The following AOC1 variants were observed in gnomAD, a reference collection of about 807,000 sequenced individuals.
AOC1 encodes diamine oxidase [copper-containing].
AOC1 carries 58 observed loss-of-function variants against 57.1 expected under a neutral mutation model. The observed-to-expected ratio is 1.02, with a 90% CI of 0.82 to 1.26. The LOEUF (loss-of-function observed/expected upper bound fraction) is 1.26, where lower values mean the gene tolerates loss of function less well. Ranked by LOEUF, AOC1 falls within the 50% of genes most tolerant of loss-of-function variation. The probability of loss-of-function intolerance (pLI) is 0.00; values close to 1 mark genes in which losing one functional copy is unlikely to be tolerated. For missense variants in AOC1, 917 were observed against 1,005.3 expected (o/e 0.91, Z 1.19); for synonymous variants, 401 against 423.4 (o/e 0.95, Z 0.65).
intron 3 of AOC1, 107 bp from the exon 4 acceptor site, chr7:150,860,394 G>T (rs1243925750): frequency 3.8e-6 from 6 of 1,567,746 alleles, no homozygotes; most frequent in Non-Finnish European, 5.2e-6. Flanking sequence ...TCATCTTGGG[G>T]AAGGCAATCA....
Position 150,857,346 on chromosome 7 carries a change from C to T in AOC1, c.876C>T (p.Pro292=), listed in dbSNP as rs375861624. 18 of 1,604,942 alleles carry T rather than the reference C, an allele frequency of 1.1e-5. No homozygotes were observed. Among genetic ancestry groups the T allele is most frequent in the East Asian group, 4.5e-5 (2 of 44,650 alleles). Reference sequence around the variant, plus strand: ...CCCACAAGCCCCGCGGGGACTTCCCCAGCCCCATCCATGTGAGCGGCCCCC... The same window carrying T: ...CCCACAAGCCCCGCGGGGACTTCCCTAGCCCCATCCATGTGAGCGGCCCCC... ...FSSHKPRGDF[P]SPIHVSGPRL... The change falls in exon 2 of 5, where the codon CCC becomes CCT. Residue 292 remains proline (P), a synonymous_variant. Transcript: ENST00000360937. This position sits in a 1 kb window ranked among gnomAD's most constrained non-coding sequence, Gnocchi z 6.6.
At chr7:150,858,635 C>A in intron 2 of AOC1, 128 bp from the exon 3 acceptor site, 1 of 1,077,610 alleles carries the variant, frequency 9.3e-7, no homozygotes. Flanking sequence ...AGGGCATCCC[C>A]CAACATCCCG....
At chr7:150,853,843 T>G (rs1799697165) in intron 1 of AOC1, 1 of 151,612 alleles carries the variant, frequency 6.6e-6, no homozygotes, top group African/African-American at 2.4e-5. Flanking sequence ...ACCAACACGG[T>G]GAAACACCAT....
chr7:150,856,982 G>T lies in AOC1; in HGVS notation c.512G>T (p.Gly171Val). ...CATCAGTTCTTCCTCAATACCACAG[G>T]CTTCTCATTCCAAGACTGCCATGAC... ...PLHQFFLNTTGFSFQDCHDRC... is the reference protein window; with the variant it reads ...PLHQFFLNTTVFSFQDCHDRC... Residue 171 changes from glycine to valine, a missense_variant, in exon 2 of 5, where the codon GGC becomes GTC. Gly to Val is a moderately radical substitution (Grantham distance 109, BLOSUM62 -3). Transcript: ENST00000360937. The surrounding 1 kb of genome is among the most constrained non-coding windows in gnomAD (Gnocchi z 5.2). 1.2e-6 allele frequency: 2 copies of T among 1,614,170 alleles called. No homozygotes were observed. The highest frequency in any genetic ancestry group is 1.1e-5 in the South Asian group (1 of 91,086).
chr7:150,856,263 TG>T lies in AOC1; in HGVS notation c.-16-190del, dbSNP rs1799770893. 6.6e-6 allele frequency among the ~76,000 whole-genome samples: 1 copy of T among 152,024 alleles called. No homozygotes were observed. Among genetic ancestry groups the T allele is most frequent in the African/African-American group, 2.4e-5 (1 of 41,384 alleles). On this transcript the variant is annotated intron_variant, in intron 1 of 4. Coordinates refer to ENST00000360937, the MANE Select transcript of AOC1 (RefSeq NM_001091.4). The surrounding 1 kb of genome is among the most constrained non-coding windows in gnomAD (Gnocchi z 5.2). The stretch of plus-strand genomic sequence containing the variant: ...TGAGGAGAGGGCAGAAATAAATGGA[TG>T]GATGCACAGGCAGCGGCCCGACGGC...
chr7:150,856,180 A>G lies in AOC1; in HGVS notation c.-16-275A>G, dbSNP rs1799767824. The stretch of plus-strand genomic sequence containing the variant: ...CCCCTGGCTGAGATAATACACAAAA[A>G]CAAGGGTGTTCCCCTGAGTAAGGAA... On this transcript the variant is annotated intron_variant, in intron 1 of 4. Transcript: ENST00000360937. The surrounding 1 kb of genome is among the most constrained non-coding windows in gnomAD (Gnocchi z 5.2). Among the ~76,000 whole-genome samples the G allele has an allele frequency of 6.6e-6, 1 of 152,178 alleles. No individual in the cohort carries two copies. Among genetic ancestry groups the G allele is most frequent in the African/African-American group, 2.4e-5 (1 of 41,438 alleles).
At position 150,860,615 on chromosome 7, in the gene AOC1, C is replaced by T. The variant is rs759462526; in HGVS notation, c.1971C>T (p.Asn657=). 126 of 1,613,874 alleles carry T rather than the reference C, an allele frequency of 7.8e-5. 2 individuals are homozygous for T. The highest frequency in any genetic ancestry group is 9.7e-5 in the Non-Finnish European group (115 of 1,179,916). The change falls in exon 4 of 5, where the codon AAC becomes AAT. Residue 657 remains asparagine (N), a synonymous_variant. Transcript: ENST00000360937. Reference sequence around the variant, plus strand: ...TCTTTGAGCAGTTTCTTCACAACAACGAGAACATTGAAAATGAGGTACTGC... The same window carrying T: ...TCTTTGAGCAGTTTCTTCACAACAATGAGAACATTGAAAATGAGGTACTGC... ...PVVFEQFLHN[N]ENIENEDLVA...
At position 150,861,360 on chromosome 7, in the gene AOC1, A is replaced by C; in HGVS notation, c.*151A>C. ...AGGAAACACACGAACAGACGTGCACACACACAGACGTGCACACACACACAG... is the reference window on the plus strand; with the variant it reads ...AGGAAACACACGAACAGACGTGCACCCACACAGACGTGCACACACACACAG... On this transcript the variant is annotated 3_prime_UTR_variant, in exon 5 of 5. Transcript: ENST00000360937. This position sits in a 1 kb window ranked among gnomAD's most constrained non-coding sequence, Gnocchi z 4.5. 1 of 868,166 alleles carries C rather than the reference A, an allele frequency of 1.2e-6. No homozygotes were observed. 53.8% of individuals were successfully genotyped at this position (868,166 alleles called of 1,614,324 possible). A position where few individuals can be genotyped will look rare whatever the true frequency, so the allele number is the denominator to read the frequency against.
chr7:150,853,699 T>A (rs12540862), intron 1 of AOC1, among the ~76,000 whole-genome samples: 916 of 115,038 alleles, frequency 8.0e-3, no homozygotes, highest in Middle Eastern at 0.016. Context: ...ATATATATAT[T>A]TATTTATTTA....
rs1191031519 is a variant in AOC1, at chr7:150,861,086, A to T, written c.2133A>T (p.Arg711Ser). ...FFPEDPSLAS[R>S]DTVIVWPRDN... ...CAGAGGACCCCTCCCTGGCATCCAG[A>T]GACACTGTGATCGTGTGGCCTCGGG... Residue 711 changes from arginine (R) to serine (S), a missense_variant, in exon 5 of 5, where the codon AGA becomes AGT. By Grantham distance (110) the Arg-to-Ser change is moderately radical. Coordinates refer to ENST00000360937, the MANE Select transcript of AOC1 (RefSeq NM_001091.4). This position sits in a 1 kb window ranked among gnomAD's most constrained non-coding sequence, Gnocchi z 4.5. 6.2e-7 allele frequency: 1 copy of T among 1,614,132 alleles called. No individual in the cohort carries two copies. Among genetic ancestry groups the T allele is most frequent in the Admixed American group, 1.7e-5 (1 of 60,018 alleles).
upstream of AOC1, chr7:150,852,444 A>T (rs1799651419): frequency 6.6e-6 from 1 of 152,570 alleles, no homozygotes; most frequent in African/African-American, 2.4e-5. This position sits in a 1 kb window ranked among gnomAD's most constrained non-coding sequence, Gnocchi z 4.6. Context: ...AGGCCAGCTC[A>T]GGCCTCACCT....
intron 1 of AOC1, among the ~76,000 whole-genome samples, chr7:150,854,783 G>C (rs1286405794): frequency 1.4e-4 from 22 of 152,306 alleles, no homozygotes; most frequent in Non-Finnish European, 3.1e-4. Flanking sequence ...GTCACTCCAC[G>C]ATACACCCAA....
At position 150,856,278 on chromosome 7, in the gene AOC1, C is replaced by T. The variant is rs778810419; in HGVS notation, c.-16-177C>T. Among the ~76,000 whole-genome samples the T allele has an allele frequency of 5.9e-5, 9 of 152,142 alleles. No individual in the cohort carries two copies. The highest frequency in any genetic ancestry group is 2.1e-4 in the South Asian group (1 of 4,828). ...AATAAATGGATGGATGCACAGGCAG[C>T]GGCCCGACGGCGCTGGGGACTATGC... On this transcript the variant is annotated intron_variant, in intron 1 of 4. Coordinates refer to ENST00000360937, the MANE Select transcript of AOC1 (RefSeq NM_001091.4). The surrounding 1 kb of genome is among the most constrained non-coding windows in gnomAD (Gnocchi z 5.2).
intron 1 of AOC1, among the ~76,000 whole-genome samples, chr7:150,853,661 C>CTA (rs201712777): frequency 0.033 from 2,047 of 62,382 alleles, 17 homozygotes; most frequent in South Asian, 0.056. Flanking sequence ...GAGATCCTGA[C>CTA]TATATATATA....
chr7:150,856,216 C>G lies in AOC1; in HGVS notation c.-16-239C>G, dbSNP rs1799769950. On this transcript the variant is annotated intron_variant, in intron 1 of 4. Coordinates refer to ENST00000360937, the MANE Select transcript of AOC1 (RefSeq NM_001091.4). The surrounding 1 kb of genome is among the most constrained non-coding windows in gnomAD (Gnocchi z 5.2). The stretch of plus-strand genomic sequence containing the variant: ...CCCCTGAGTAAGGAAGGCTGCAGGA[C>G]TGAAGGACATTTACAGAGGAGTGAG... 6.6e-6 allele frequency among the ~76,000 whole-genome samples: 1 copy of G among 152,156 alleles called. No homozygotes were observed. Among genetic ancestry groups the G allele is most frequent in the South Asian group, 2.1e-4 (1 of 4,834 alleles).
At chr7:150,859,226 C>T (rs1333709028) in intron 3 of AOC1, among the ~76,000 whole-genome samples, 178 bp downstream of exon 3, 3 of 152,006 alleles carry the variant, frequency 2.0e-5, no homozygotes, top group Non-Finnish European at 4.4e-5. Flanking sequence ...GGGTGCCAAC[C>T]CCCCAAAGCA....
chr7:150,853,322 T>C (rs1040406219), intron 1 of AOC1, among the ~76,000 whole-genome samples: 25 of 152,112 alleles, frequency 1.6e-4, no homozygotes, highest in Non-Finnish European at 2.6e-4. Context: ...GGTGTGGATA[T>C]TGATAGTGGG....
At position 150,856,818 on chromosome 7, in the gene AOC1, G is replaced by A. The variant is rs1799791543; in HGVS notation, c.348G>A (p.Val116=). The part of the protein sequence containing the change: ...QEHPNVTEFA[V]GPLPGPCYMR... ...ATCCCAATGTCACCGAGTTTGCTGT[G>A]GGGCCCCTGCCAGGGCCCTGCTACA... Residue 116 remains valine (V), a synonymous_variant, in exon 2 of 5, where the codon GTG becomes GTA. Transcript: ENST00000360937. This position sits in a 1 kb window ranked among gnomAD's most constrained non-coding sequence, Gnocchi z 5.2. 4.3e-6 allele frequency: 7 copies of A among 1,614,048 alleles called. No individual in the cohort carries two copies. The highest frequency in any genetic ancestry group is 5.1e-6 in the Non-Finnish European group (6 of 1,179,972).
At position 150,857,481 on chromosome 7, in the gene AOC1, G is replaced by A; in HGVS notation, c.1011G>A (p.Leu337=). The A allele has an allele frequency of 6.2e-7, 1 of 1,613,326 alleles. No homozygotes were observed. Among genetic ancestry groups the A allele is most frequent in the Non-Finnish European group, 8.5e-7 (1 of 1,179,824 alleles). Residue 337 remains leucine (L), a synonymous_variant, in exon 2 of 5, where the codon CTG becomes CTA. Coordinates refer to ENST00000360937, the MANE Select transcript of AOC1 (RefSeq NM_001091.4). This position sits in a 1 kb window ranked among gnomAD's most constrained non-coding sequence, Gnocchi z 6.6. ...GCTCCTCCTCCGGGCTGCAGGTCCT[G>A]AACGTGCACTTCGGCGGAGAGCGCA... ...RLRSSSGLQV[L]NVHFGGERIA...
Sources: gnomAD v4.1 joint callset for allele counts (sites outside exome capture counted in the v4.1 genomes callset) on GRCh38, gnomAD v4.1.1 for gene constraint, Gnocchi (gnomAD v3.1) non-coding constraint, MANE v1.5 for transcripts, NCBI Gene and HGNC (gene_info 2026-07-23, HGNC 2026-07-21) for gene names.